Variants in BTBD10 observed in about 807,000 individuals in gnomAD.
BTBD10 encodes BTB domain containing 10.
Under a neutral mutation model 53.2 loss-of-function variants are expected in BTBD10, and 21 were observed. The observed-to-expected ratio is 0.39, with a 90% CI of 0.28 to 0.57. The LOEUF is 0.57. Among genes scored for constraint, BTBD10 ranks in the 20% least tolerant of loss-of-function variants. The pLI, the probability that BTBD10 is intolerant of heterozygous loss-of-function variation, is 0.53. For missense variants in BTBD10, 360 were observed against 594.7 expected, an observed-to-expected ratio of 0.61 and a Z score of 4.10; for synonymous variants, 149 against 192.7, an observed-to-expected ratio of 0.77 and a Z score of 1.88.
intron 3 of BTBD10, among the ~76,000 whole-genome samples, chr11:13,421,038 G>T (rs1950232394): frequency 6.6e-6 from 1 of 152,112 alleles, no homozygotes; most frequent in Non-Finnish European, 1.5e-5. Context: ...TGTCCCTTCT[G>T]CAGGGGAAAA....
At chr11:13,447,461 T>C (rs1950771467) in intron 1 of BTBD10, among the ~76,000 whole-genome samples, 1 of 152,226 alleles carries the variant, frequency 6.6e-6, no homozygotes, top group African/African-American at 2.4e-5. Context: ...GATACTCTTC[T>C]GAATAGGATA....
intron 8 of BTBD10, among the ~76,000 whole-genome samples, chr11:13,390,693 C>T (rs1195831299): frequency 2.0e-5 from 3 of 152,068 alleles, no homozygotes; most frequent in Non-Finnish European, 4.4e-5. Context: ...TGATTTTGGC[C>T]CATAGGCCAA....
intron 1 of BTBD10, among the ~76,000 whole-genome samples, chr11:13,453,499 G>T (rs1950905067): frequency 6.6e-6 from 1 of 152,084 alleles, no homozygotes; most frequent in South Asian, 2.1e-4. Flanking sequence ...ATTGAGGAAG[G>T]TTTATTAAAA....
At chr11:13,425,793 T>C (rs1301313782) in intron 2 of BTBD10, among the ~76,000 whole-genome samples, 1 of 152,186 alleles carries the variant, frequency 6.6e-6, no homozygotes, top group Non-Finnish European at 1.5e-5. Context: ...CACCCTGAGT[T>C]GCTCACTACA....
At chr11:13,434,932 T>C (rs554497275) in intron 2 of BTBD10, among the ~76,000 whole-genome samples, 4 of 152,304 alleles carry the variant, frequency 2.6e-5, no homozygotes, top group Admixed American at 1.3e-4. Context: ...CCTGAGCAAC[T>C]GGAAGAATGG....
chr11:13,447,290 T>C (rs970590235), intron 1 of BTBD10, among the ~76,000 whole-genome samples: 1 of 152,078 alleles, frequency 6.6e-6, no homozygotes, highest in Admixed American at 6.6e-5. Flanking sequence ...AGGGTCTCAA[T>C]CTGTCACCCA....
intron 6 of BTBD10, among the ~76,000 whole-genome samples, chr11:13,409,638 G>A (rs555350656): frequency 2.8e-4 from 42 of 151,694 alleles, no homozygotes; most frequent in Non-Finnish European, 4.9e-4. Flanking sequence ...TGCTTCTATG[G>A]TCAGCTTTCC....
chr11:13,457,837 A>G (rs1267143935), intron 1 of BTBD10, among the ~76,000 whole-genome samples: 5 of 152,156 alleles, frequency 3.3e-5, no homozygotes, highest in Non-Finnish European at 5.9e-5. Flanking sequence ...ACTGGAAGCA[A>G]TTATCACTGA....
rs182858545 is a variant in BTBD10, at chr11:13,392,799, A to G, written c.1118-3658T>C. 8.7e-4 allele frequency among the ~76,000 whole-genome samples: 133 copies of G among 152,300 alleles called. 1 individual carries two copies. The highest frequency in any genetic ancestry group is 3.1e-3 in the African/African-American group (129 of 41,576). On this transcript the variant is annotated intron_variant, in intron 8 of 8. Transcript: ENST00000278174. ...CTCGCATTTCCTATATTCTATGGGA[A>G]CTGTAATTCCACAATTATTTTAGAG...
chr11:13,404,476 CTTGG>C, intron 7 of BTBD10: 1 of 305,318 alleles, frequency 3.3e-6, no homozygotes, highest in Non-Finnish European at 4.8e-6. Flanking sequence ...ACTGTACCTT[CTTGG>C]GGTCAAACCT....
chr11:13,446,788 A>T (rs541436453), intron 1 of BTBD10, among the ~76,000 whole-genome samples: 1 of 152,286 alleles, frequency 6.6e-6, no homozygotes, highest in South Asian at 2.1e-4. Flanking sequence ...TGTCAATGTC[A>T]TCTGAATTTT....
At chr11:13,401,705 C>T (rs971451909) in intron 8 of BTBD10, among the ~76,000 whole-genome samples, 6 of 152,066 alleles carry the variant, frequency 3.9e-5, no homozygotes, top group African/African-American at 1.4e-4. Flanking sequence ...GAGTATTACA[C>T]TCACTACTAA....
At chr11:13,395,161 A>G (rs1177464442) in intron 8 of BTBD10, among the ~76,000 whole-genome samples, 1 of 149,344 alleles carries the variant, frequency 6.7e-6, no homozygotes, top group Non-Finnish European at 1.5e-5. Flanking sequence ...TCCCACCAAC[A>G]GTGTAAAAGT....
At chr11:13,419,354 GA>G in intron 4 of BTBD10, 105 bp downstream of exon 4, 1 of 1,408,180 alleles carries the variant, frequency 7.1e-7, no homozygotes, top group Non-Finnish European at 9.5e-7. Flanking sequence ...CTGTAAAACA[GA>G]AATGTTACAT....
At chr11:13,455,616 C>T (rs1565275060) in intron 1 of BTBD10, among the ~76,000 whole-genome samples, 1 of 152,078 alleles carries the variant, frequency 6.6e-6, no homozygotes, top group Non-Finnish European at 1.5e-5. Context: ...TAATTTTCTA[C>T]TATGACCAAA....
At chr11:13,436,288 C>A (rs1318556207) in intron 2 of BTBD10, among the ~76,000 whole-genome samples, 17 of 152,150 alleles carry the variant, frequency 1.1e-4, no homozygotes, top group Non-Finnish European at 1.5e-5. Flanking sequence ...CCAGGTAATT[C>A]TTTGTTGTAA....
At chr11:13,417,395 G>C in intron 4 of BTBD10, 135 bp from the exon 5 acceptor site, 1 of 581,914 alleles carries the variant, frequency 1.7e-6, no homozygotes, top group East Asian at 3.0e-5. Context: ...AATTTATTCT[G>C]GCAAACATCA....
chr11:13,445,565 C>G (rs951881888), intron 1 of BTBD10, among the ~76,000 whole-genome samples: 2 of 152,092 alleles, frequency 1.3e-5, no homozygotes, highest in Non-Finnish European at 2.9e-5. Flanking sequence ...TTCCTAATTA[C>G]TAAAAGTTTA....
chr11:13,428,743 G>T (rs1449241053), intron 2 of BTBD10, among the ~76,000 whole-genome samples: 1 of 152,094 alleles, frequency 6.6e-6, no homozygotes, highest in Non-Finnish European at 1.5e-5. Context: ...AAATAAGAAT[G>T]TCTACTGTCA....
Sources: allele counts gnomAD v4.1 joint callset (sites outside exome capture counted in the v4.1 genomes callset), GRCh38; gene constraint gnomAD v4.1.1; transcripts MANE v1.5; gene names NCBI Gene and HGNC (gene_info 2026-07-23, HGNC 2026-07-21).